The following TEC variants were observed in gnomAD, a reference collection of about 807,000 sequenced individuals.
The protein encoded by TEC is tec protein tyrosine kinase.
In TEC, 72 loss-of-function variants were observed where a neutral mutation model predicts 93.0. The observed-to-expected ratio is 0.77, with a 90% CI of 0.64 to 0.94. The LOEUF is 0.94. Ranked by LOEUF, TEC falls within the 40% of genes least tolerant of loss-of-function variation. TEC has a pLI of 0.00. For synonymous variants in TEC, 249 were observed against 247.7 expected (o/e 1.01, Z -0.05); for missense variants, 630 against 757.9 (o/e 0.83, Z 1.98).
intron 2 of TEC, among the ~76,000 whole-genome samples, chr4:48,181,452 A>C (rs1377954037): frequency 6.6e-6 from 1 of 151,980 alleles, no homozygotes; most frequent in African/African-American, 2.4e-5. Context: ...AGGAGGGTGT[A>C]TCATGAGGTC....
In TEC at chr4:48,246,770, T is replaced by C. The variant is rs559602834; in HGVS notation, c.-45-18111A>G. Reference sequence around the variant, plus strand: ...AAATTAACTCAAAATGGATCAAAGATTTAATTAAAGAACTAAAATTGTAGA... The same window carrying C: ...AAATTAACTCAAAATGGATCAAAGACTTAATTAAAGAACTAAAATTGTAGA... On this transcript the variant is annotated intron_variant, in intron 1 of 17. Coordinates refer to ENST00000381501, the MANE Select transcript of TEC (RefSeq NM_003215.3). 1.4e-4 allele frequency among the ~76,000 whole-genome samples: 21 copies of C among 152,264 alleles called. No individual in the cohort carries two copies. In the South Asian group the frequency reaches 3.5e-3, roughly 26 times the overall value.
rs1723098113 is a variant in TEC, at chr4:48,216,854, T to C, written c.138+11623A>G. ...TCATATAGCCTTTCTCTCATCATAA[T>C]ACAAATAATCAAATGAATAAAACAC... On this transcript the variant is annotated intron_variant, in intron 2 of 17. Coordinates refer to ENST00000381501, the MANE Select transcript of TEC (RefSeq NM_003215.3). 2.0e-5 allele frequency among the ~76,000 whole-genome samples: 3 copies of C among 152,336 alleles called. No individual in the cohort carries two copies. In the South Asian group the frequency reaches 6.2e-4, roughly 32 times the overall value.
chr4:48,158,654 T>C (rs1312558226), intron 8 of TEC, among the ~76,000 whole-genome samples: 3 of 151,978 alleles, frequency 2.0e-5, no homozygotes, highest in African/African-American at 7.3e-5. Flanking sequence ...ACAATAAGAG[T>C]AAGCAAAGGT....
At chr4:48,169,600 C>T (rs964387050) in intron 5 of TEC, among the ~76,000 whole-genome samples, 10 of 152,096 alleles carry the variant, frequency 6.6e-5, no homozygotes, top group African/African-American at 2.4e-4. Flanking sequence ...TTCTGATGGA[C>T]CCAGTGAGCA....
chr4:48,175,913 G>C (rs183353510), intron 3 of TEC, among the ~76,000 whole-genome samples, 169 bp downstream of exon 3: 4 of 152,252 alleles, frequency 2.6e-5, no homozygotes, highest in African/African-American at 9.6e-5. Context: ...TTAAGAATCA[G>C]AAAATGTTTC....
At chr4:48,185,926 T>C (rs1721817486) in intron 2 of TEC, among the ~76,000 whole-genome samples, 1 of 151,856 alleles carries the variant, frequency 6.6e-6, no homozygotes, top group Admixed American at 6.6e-5. Context: ...TGGACTGTAC[T>C]GCCGCCATCT....
At chr4:48,266,699 G>T (rs545958275) in intron 1 of TEC, among the ~76,000 whole-genome samples, 10 of 152,174 alleles carry the variant, frequency 6.6e-5, no homozygotes, top group African/African-American at 2.4e-4. Flanking sequence ...TTAGCTAGGC[G>T]TGGTGGCACA....
chr4:48,253,165 T>C (rs1414556806), intron 1 of TEC, among the ~76,000 whole-genome samples: 2 of 152,224 alleles, frequency 1.3e-5, no homozygotes, highest in African/African-American at 4.8e-5. Flanking sequence ...TTTACTATCA[T>C]GAAATACGTA....
chr4:48,228,717 C>T, intron 1 of TEC, 58 bp from the exon 2 acceptor site: 1 of 1,436,482 alleles, frequency 7.0e-7, no homozygotes. Flanking sequence ...TGGATGTTGC[C>T]ATTTCCAATT....
intron 1 of TEC, among the ~76,000 whole-genome samples, chr4:48,243,561 A>G (rs1723974755): frequency 6.6e-6 from 1 of 152,220 alleles, no homozygotes; most frequent in South Asian, 2.1e-4. Context: ...TGCTAACTGA[A>G]CACCTGCTAA....
chr4:48,164,337 A>G (rs1410473882), intron 7 of TEC, among the ~76,000 whole-genome samples: 1 of 152,208 alleles, frequency 6.6e-6, no homozygotes, highest in African/African-American at 2.4e-5. Context: ...GTCATAACCC[A>G]ATAAATGTGA....
chr4:48,266,540 T>TA (rs1450522934), intron 1 of TEC, among the ~76,000 whole-genome samples: 2 of 152,164 alleles, frequency 1.3e-5, no homozygotes, highest in Non-Finnish European at 2.9e-5. Context: ...AATCCATTAT[T>TA]AACTCCAAGG....
chr4:48,203,984 G>C (rs898413807), intron 2 of TEC, among the ~76,000 whole-genome samples: 1 of 152,202 alleles, frequency 6.6e-6, no homozygotes, highest in Non-Finnish European at 1.5e-5. Flanking sequence ...ACTGGGGGAA[G>C]GAGGATACAA....
At chr4:48,170,156 T>C (rs893787835) in intron 5 of TEC, 92 bp downstream of exon 5, 10 of 1,095,822 alleles carry the variant, frequency 9.1e-6, no homozygotes, top group African/African-American at 1.6e-5. Flanking sequence ...GAAAGTGTGC[T>C]GTACTTAATC....
chr4:48,144,445 T>C (rs1397574565), intron 14 of TEC, among the ~76,000 whole-genome samples: 2 of 152,082 alleles, frequency 1.3e-5, no homozygotes, highest in Non-Finnish European at 1.5e-5. Flanking sequence ...GCTGAAAGCA[T>C]CTGTAAAGAA....
chr4:48,232,812 C>A (rs911499793), intron 1 of TEC, among the ~76,000 whole-genome samples: 1 of 152,198 alleles, frequency 6.6e-6, no homozygotes, highest in African/African-American at 2.4e-5. Flanking sequence ...TGTGCCAGGT[C>A]CCACCAAGGG....
intron 8 of TEC, among the ~76,000 whole-genome samples, chr4:48,161,394 G>A (rs1720649345): frequency 1.3e-5 from 2 of 151,500 alleles, no homozygotes; most frequent in East Asian, 1.9e-4. Flanking sequence ...CCATCACAAC[G>A]AATCTGCTTT....
chr4:48,210,179 G>A (rs767776619), intron 2 of TEC, among the ~76,000 whole-genome samples: 63 of 152,220 alleles, frequency 4.1e-4, no homozygotes, highest in Non-Finnish European at 7.9e-4. Context: ...ACCCACCTCT[G>A]TTGTCATAAA....
intron 2 of TEC, among the ~76,000 whole-genome samples, chr4:48,190,954 T>G (rs548208122): frequency 6.6e-6 from 1 of 152,290 alleles, no homozygotes; most frequent in South Asian, 2.1e-4. Flanking sequence ...TTTAAAAAAT[T>G]TATTGAACAT....
Sources: gnomAD v4.1 joint callset for allele counts (sites outside exome capture counted in the v4.1 genomes callset) on GRCh38, gnomAD v4.1.1 for gene constraint, MANE v1.5 for transcripts, NCBI Gene and HGNC (gene_info 2026-07-23, HGNC 2026-07-21) for gene names.